The following PKD1L1 variants were observed in gnomAD, a reference collection of about 807,000 sequenced individuals.
PKD1L1 encodes polycystin-1-like protein 1.
In PKD1L1, 236 loss-of-function variants were observed where a neutral mutation model predicts 323.4. The observed-to-expected ratio is 0.73, with a 90% CI of 0.66 to 0.81. The LOEUF is 0.81. PKD1L1 is among the 40% of genes least tolerant of loss of function. The probability of loss-of-function intolerance (pLI) is 0.00; values close to 1 mark genes in which losing one functional copy is unlikely to be tolerated. For missense variants in PKD1L1, 3,320 were observed against 3,508.0 expected, an observed-to-expected ratio of 0.95 and a Z score of 1.35; for synonymous variants, 1,344 against 1,335.0, an observed-to-expected ratio of 1.01 and a Z score of -0.15.
chr7:47,936,482 C>T (rs905467512), intron 4 of PKD1L1, among the ~76,000 whole-genome samples: 1 of 152,154 alleles, frequency 6.6e-6, no homozygotes, highest in Non-Finnish European at 1.5e-5. Flanking sequence ...TCATCGAATG[C>T]TGTTTTAAAG....
At chr7:47,808,473 A>G in intron 51 of PKD1L1, 86 bp from the exon 52 acceptor site, 1 of 1,500,228 alleles carries the variant, frequency 6.7e-7, no homozygotes. Context: ...TGTAAGTTAC[A>G]GTCATGAGTC....
intron 44 of PKD1L1, among the ~76,000 whole-genome samples, chr7:47,828,198 G>A (rs1375541812): frequency 6.6e-6 from 1 of 152,080 alleles, no homozygotes; most frequent in African/African-American, 2.4e-5. Context: ...GGGTGTAGGG[G>A]GGCACCCCAA....
intron 51 of PKD1L1, 130 bp downstream of exon 51, chr7:47,809,343 T>C: frequency 1.5e-6 from 1 of 676,090 alleles, no homozygotes; most frequent in Non-Finnish European, 2.4e-6. Flanking sequence ...AGATTAACAC[T>C]ACAGAGGGAG....
In PKD1L1 at chr7:47,839,518, C is replaced by T; in HGVS notation, c.5697G>A (p.Leu1899=). The T allele has an allele frequency of 6.2e-7, 1 of 1,612,308 alleles. No homozygotes were observed. The highest frequency in any genetic ancestry group is 1.1e-5 in the South Asian group (1 of 90,516). The part of the protein sequence containing the change: ...QGWFFPAQCW[L]SAGRHDGRVE... The stretch of plus-strand genomic sequence containing the variant: ...CGCGACCATCATGCCTGCCGGCAGA[C>T]AGCCAGCACTGGGCAGGGAAGAACC... The change falls in exon 36 of 57, where the codon CTG becomes CTA. Residue 1899 remains leucine, a synonymous_variant. Coordinates refer to ENST00000289672, the MANE Select transcript of PKD1L1 (RefSeq NM_138295.5). This position sits in a 1 kb window ranked among gnomAD's most constrained non-coding sequence, Gnocchi z 4.3.
chr7:47,840,349 C>A lies in PKD1L1; in HGVS notation c.5552+112G>T. Reference sequence around the variant, plus strand: ...AATTGTTTGTATATAAATCGATGCTCACTATTAGAGACCAATGTTATGTAT... The same window carrying A: ...AATTGTTTGTATATAAATCGATGCTAACTATTAGAGACCAATGTTATGTAT... On this transcript the variant is annotated intron_variant, in intron 35 of 56. Coordinates refer to ENST00000289672, the MANE Select transcript of PKD1L1 (RefSeq NM_138295.5). This position sits in a 1 kb window ranked among gnomAD's most constrained non-coding sequence, Gnocchi z 4.1. 1 of 686,734 alleles carries A rather than the reference C, an allele frequency of 1.5e-6. No homozygotes were observed. The highest frequency in any genetic ancestry group is 1.9e-5 in the South Asian group (1 of 51,578). 42.5% of individuals were successfully genotyped at this position (686,734 alleles called of 1,614,324 possible).
At position 47,904,901 on chromosome 7, in the gene PKD1L1, TG is replaced by T. The variant is rs1787170500; in HGVS notation, c.1691+255del. On this transcript the variant is annotated intron_variant, in intron 11 of 56. Coordinates refer to ENST00000289672, the MANE Select transcript of PKD1L1 (RefSeq NM_138295.5). ...TGAGGAATTTCTTAGGTCACATGGG[TG>T]GCCGAGATAGAATTCGAACCTAGGA... Among the ~76,000 whole-genome samples the T allele has an allele frequency of 2.0e-5, 3 of 152,116 alleles. No individual in the cohort carries two copies. In the South Asian group the frequency reaches 6.2e-4, roughly 31 times the overall value.
At chr7:47,830,203 G>A in intron 42 of PKD1L1, 79 bp from the exon 43 acceptor site, 3 of 1,241,652 alleles carry the variant, frequency 2.4e-6, no homozygotes, top group Non-Finnish European at 2.3e-6. Flanking sequence ...CTAAGCACAG[G>A]GACACTGCCT....
At chr7:47,829,685 A>G in intron 43 of PKD1L1, 84 bp from the exon 44 acceptor site, 1 of 1,362,610 alleles carries the variant, frequency 7.3e-7, no homozygotes, top group Admixed American at 2.3e-5. Flanking sequence ...TCCCCTAATC[A>G]TGAACAGGAC....
At chr7:47,782,824 A>G (rs901647150) in intron 56 of PKD1L1, among the ~76,000 whole-genome samples, 1 of 152,186 alleles carries the variant, frequency 6.6e-6, no homozygotes, top group Non-Finnish European at 1.5e-5. Flanking sequence ...CCTTTCAACT[A>G]TATGTTGAGT....
chr7:47,929,359 G>A lies in PKD1L1; in HGVS notation c.905C>T (p.Ala302Val). The A allele has an allele frequency of 6.2e-7, 1 of 1,614,194 alleles. No individual in the cohort carries two copies. Among genetic ancestry groups the A allele is most frequent in the Non-Finnish European group, 8.5e-7 (1 of 1,180,034 alleles). ...GAATCCCAGATTTGGAGGTGCCCGA[G>A]CTTCCACTTCCAGGGAGCAATTAAG... ...PVLNCSLEVE[A>V]RAPPNLGFRV... is the part of the protein sequence containing the mutation. Residue 302 changes from alanine to valine, a missense_variant, in exon 7 of 57, where the codon GCT (alanine) becomes GTT (valine). Coordinates refer to ENST00000289672, the MANE Select transcript of PKD1L1 (RefSeq NM_138295.5).
Position 47,936,980 on chromosome 7 carries a change from T to C in PKD1L1, c.286-22A>G, listed in dbSNP as rs368122005. 145 of 1,558,666 alleles carry C rather than the reference T, an allele frequency of 9.3e-5. No individual in the cohort carries two copies. The African/African-American group carries it at 1.7e-3, about 18-fold the overall frequency. ...TGTTCTGTAAGAAAAAATAATAAAA[T>C]AATGTGAGAGAGCTGCTTATGAAAA... On this transcript the variant is annotated intron_variant, in intron 3 of 56. Transcript: ENST00000289672.
At chr7:47,806,744 T>C (rs1306398420) in intron 52 of PKD1L1, among the ~76,000 whole-genome samples, 3 of 152,242 alleles carry the variant, frequency 2.0e-5, no homozygotes. Context: ...TCTTCCCCTT[T>C]TATTGCTTAT....
intron 56 of PKD1L1, among the ~76,000 whole-genome samples, chr7:47,780,759 T>G (rs927706237): frequency 2.6e-4 from 39 of 152,206 alleles, no homozygotes; most frequent in Non-Finnish European, 1.5e-5. Flanking sequence ...TTTTTGTCTT[T>G]ATTGCTTAGT....
intron 46 of PKD1L1, among the ~76,000 whole-genome samples, chr7:47,818,815 T>C (rs887809982): frequency 6.6e-6 from 1 of 152,224 alleles, no homozygotes; most frequent in Admixed American, 6.5e-5. Flanking sequence ...ATTTTTTGTT[T>C]TATTATTTTT....
At chr7:47,866,302 C>G in intron 25 of PKD1L1, 117 bp downstream of exon 25, 1 of 1,110,936 alleles carries the variant, frequency 9.0e-7, no homozygotes, top group Non-Finnish European at 1.3e-6. Context: ...CCCTCTTGGT[C>G]TCATTTCTTG....
chr7:47,788,122 T>C (rs539354394), intron 56 of PKD1L1, among the ~76,000 whole-genome samples: 10 of 150,462 alleles, frequency 6.6e-5, no homozygotes, highest in Non-Finnish European at 1.5e-4. Flanking sequence ...TATATTCCTA[T>C]TTTTTTTAAA....
chr7:47,819,559 T>C (rs1274899842), intron 46 of PKD1L1: 4 of 1,363,742 alleles, frequency 2.9e-6, no homozygotes, highest in Non-Finnish European at 3.9e-6. Flanking sequence ...AGCTGAAAAG[T>C]TGGTCATGGA....
intron 39 of PKD1L1, 75 bp downstream of exon 39, chr7:47,834,892 C>A: frequency 1.6e-6 from 2 of 1,266,462 alleles, no homozygotes; most frequent in South Asian, 1.3e-5. Context: ...ACAGAAGATA[C>A]AATTTCTACT....
chr7:47,832,889 A>C, intron 41 of PKD1L1, among the ~76,000 whole-genome samples: 1 of 152,282 alleles, frequency 6.6e-6, no homozygotes, highest in Non-Finnish European at 1.5e-5. Context: ...AACTTACGTT[A>C]AGTACCTGCC....
Sources: allele counts gnomAD v4.1 joint callset (sites outside exome capture counted in the v4.1 genomes callset), GRCh38; gene constraint gnomAD v4.1.1; non-coding constraint Gnocchi (gnomAD v3.1); transcripts MANE v1.5; gene names NCBI Gene and HGNC (gene_info 2026-07-23, HGNC 2026-07-21).